The following FBXO34 variants were observed in gnomAD, a reference collection of about 807,000 sequenced individuals.
FBXO34 encodes the protein F-box protein 34.
In FBXO34, 12 loss-of-function variants were observed where a neutral mutation model predicts 24.5. The observed-to-expected ratio is 0.49, with a 90% CI of 0.31 to 0.79. The LOEUF is 0.79. FBXO34 is among the 30% of genes least tolerant of loss of function. FBXO34 has a pLI of 0.04. For missense variants in FBXO34, 823 were observed against 857.7 expected (o/e 0.96, Z 0.51); for synonymous variants, 320 against 311.9 (o/e 1.03, Z -0.27).
chr14:55,365,596 C>G (rs1339902435), downstream of FBXO34, among the ~76,000 whole-genome samples: 1 of 152,114 alleles, frequency 6.6e-6, no homozygotes, highest in Non-Finnish European at 1.5e-5. Context: ...AATCTGTTTC[C>G]TGCATCAATC....
chr14:55,349,887 G>A (rs931644893), intron 1 of FBXO34, among the ~76,000 whole-genome samples: 11 of 152,064 alleles, frequency 7.2e-5, no homozygotes, highest in South Asian at 4.2e-4. Flanking sequence ...GATTACAGAC[G>A]TCAGTCACCA....
At chr14:55,411,542 G>C in the FBXO34 span, 6 of 1,505,588 alleles carry the variant, frequency 4.0e-6, no homozygotes, top group Non-Finnish European at 5.4e-6. Context: ...TCCAGCCTTC[G>C]GCTGCCTGGC....
the FBXO34 span, among the ~76,000 whole-genome samples, chr14:55,389,103 G>A: frequency 6.6e-6 from 1 of 152,182 alleles, no homozygotes; most frequent in Non-Finnish European, 1.5e-5. Flanking sequence ...CACTGTTATA[G>A]GGTCCACTCC....
the FBXO34 span, chr14:55,440,400 G>A: frequency 1.2e-6 from 2 of 1,613,048 alleles, no homozygotes; most frequent in Non-Finnish European, 1.7e-6. Flanking sequence ...CCTCACCTGA[G>A]CGGCGCACTG....
chr14:55,419,659 C>T, the FBXO34 span, among the ~76,000 whole-genome samples: 1 of 152,196 alleles, frequency 6.6e-6, no homozygotes, highest in Non-Finnish European at 1.5e-5. Context: ...TAACCTTAGA[C>T]ATGGTGGCTG....
chr14:55,344,207 T>A (rs1331572426), intron 1 of FBXO34, among the ~76,000 whole-genome samples: 1 of 152,210 alleles, frequency 6.6e-6, no homozygotes, highest in Non-Finnish European at 1.5e-5. Flanking sequence ...TCATGAACTT[T>A]TGACTTCTTG....
At chr14:55,321,408 T>A (rs992143829) in intron 1 of FBXO34, among the ~76,000 whole-genome samples, 1 of 151,940 alleles carries the variant, frequency 6.6e-6, no homozygotes, top group African/African-American at 2.4e-5. Context: ...CTTGCAATGT[T>A]TCTTTTTTTT....
At chr14:55,297,379 C>A (rs1218137850) in intron 1 of FBXO34, among the ~76,000 whole-genome samples, 1 of 152,158 alleles carries the variant, frequency 6.6e-6, no homozygotes, top group Non-Finnish European at 1.5e-5. Context: ...TATTTGGTGC[C>A]CTAAGTTAAC....
the FBXO34 span, among the ~76,000 whole-genome samples, chr14:55,418,584 C>G: frequency 6.6e-6 from 1 of 152,038 alleles, no homozygotes; most frequent in Non-Finnish European, 1.5e-5. Context: ...TGTCTCTGGC[C>G]CACTCACTAA....
chr14:55,352,534 G>C lies in FBXO34; in HGVS notation c.*8G>C, dbSNP rs746799004. 1 of 1,580,862 alleles carries C rather than the reference G, an allele frequency of 6.3e-7. No homozygotes were observed. Among genetic ancestry groups the C allele is most frequent in the Non-Finnish European group, 8.6e-7 (1 of 1,165,036 alleles). On this transcript the variant is annotated 3_prime_UTR_variant, in exon 2 of 2. Coordinates refer to ENST00000313833, the MANE Select transcript of FBXO34 (RefSeq NM_017943.4). Reference sequence around the variant, plus strand: ...GCTGAAGAGGAATACTAAAGTCCATGTGAGAGGCAACAAAAGGACCGGTTT... The same window carrying C: ...GCTGAAGAGGAATACTAAAGTCCATCTGAGAGGCAACAAAAGGACCGGTTT...
the FBXO34 span, among the ~76,000 whole-genome samples, chr14:55,405,225 C>G: frequency 6.6e-6 from 1 of 152,112 alleles, no homozygotes; most frequent in Non-Finnish European, 1.5e-5. Context: ...GCCACAGTGG[C>G]TGACAAACAA....
chr14:55,332,165 G>C (rs1883617422), intron 1 of FBXO34, among the ~76,000 whole-genome samples: 1 of 150,392 alleles, frequency 6.6e-6, no homozygotes, highest in East Asian at 2.0e-4. Flanking sequence ...ACTGCAACTG[G>C]AATCTTTGAT....
At chr14:55,324,808 T>C (rs1883286417) in intron 1 of FBXO34, among the ~76,000 whole-genome samples, 1 of 152,220 alleles carries the variant, frequency 6.6e-6, no homozygotes, top group Admixed American at 6.5e-5. Context: ...TTAGTCTGTT[T>C]GGGCTGCTAT....
downstream of FBXO34, among the ~76,000 whole-genome samples, chr14:55,370,966 C>G (rs1884803710): frequency 6.6e-6 from 1 of 152,092 alleles, no homozygotes; most frequent in South Asian, 2.1e-4. Flanking sequence ...TTTCCCCTCC[C>G]TTTCAAATGC....
At chr14:55,328,785 C>T (rs1390706679) in intron 1 of FBXO34, among the ~76,000 whole-genome samples, 4 of 152,072 alleles carry the variant, frequency 2.6e-5, no homozygotes, top group Admixed American at 2.0e-4. Context: ...TTGAGGTGCC[C>T]TGGGGTATTG....
At chr14:55,381,809 T>C in the FBXO34 span, among the ~76,000 whole-genome samples, 5 of 152,194 alleles carry the variant, frequency 3.3e-5, no homozygotes, top group South Asian at 1.0e-3. Context: ...GTGATCAAAA[T>C]GTTTTGAAAT....
chr14:55,437,131 G>T, the FBXO34 span: 833 of 898,932 alleles, frequency 9.3e-4, 10 homozygotes, highest in African/African-American at 0.012. Flanking sequence ...GTAAGAGGCA[G>T]TTCAAGATTG....
chr14:55,276,276 A>C (rs893828255), intron 1 of FBXO34, among the ~76,000 whole-genome samples: 2 of 152,218 alleles, frequency 1.3e-5, no homozygotes, highest in Non-Finnish European at 1.5e-5. Flanking sequence ...GAAACATTTC[A>C]TTCATTACAG....
At chr14:55,422,423 G>A in the FBXO34 span, among the ~76,000 whole-genome samples, 6 of 151,128 alleles carry the variant, frequency 4.0e-5, no homozygotes, top group Admixed American at 2.6e-4. Context: ...TTTTTTTTTT[G>A]TATTTTTAGT....
Sources: gnomAD v4.1 joint callset for allele counts (sites outside exome capture counted in the v4.1 genomes callset) on GRCh38, gnomAD v4.1.1 for gene constraint, MANE v1.5 for transcripts, NCBI Gene and HGNC (gene_info 2026-07-23, HGNC 2026-07-21) for gene names.